Variants in ADGRG2 observed in about 807,000 individuals in gnomAD.
ADGRG2 encodes G protein-coupled receptor 64.
ADGRG2 carries 26 observed loss-of-function variants against 74.1 expected under a neutral mutation model. That is an observed-to-expected ratio of 0.35 (90% CI 0.26 to 0.49). The LOEUF is 0.49. ADGRG2 is among the 20% of genes least tolerant of loss of function. ADGRG2 has a pLI of 0.99. For synonymous variants in ADGRG2, 296 were observed against 295.2 expected (o/e 1.00, Z -0.03); for missense variants, 619 against 763.1 (o/e 0.81, Z 2.22).
At chrX:19,049,897 G>T (rs1451598892) in intron 3 of ADGRG2, among the ~76,000 whole-genome samples, 2 of 111,824 alleles carry the variant, frequency 1.8e-5, no homozygotes, top group East Asian at 5.6e-4. Context: ...AGCAAGAGTC[G>T]CTTGTGGGAG....
chrX:19,112,021 T>C (rs1176051490), intron 1 of ADGRG2, among the ~76,000 whole-genome samples: 2 of 110,366 alleles, frequency 1.8e-5, no homozygotes, highest in Non-Finnish European at 3.8e-5. Flanking sequence ...TATTAAAGAA[T>C]AGATCATACA....
At chrX:19,038,277 A>G (rs1394046096) in intron 4 of ADGRG2, among the ~76,000 whole-genome samples, 1 of 112,167 alleles carries the variant, frequency 8.9e-6, no homozygotes, top group Non-Finnish European at 1.9e-5. Flanking sequence ...CTACCTAAAC[A>G]TGGGAAAAGC....
At chrX:19,009,601 T>A in intron 18 of ADGRG2, 25 bp downstream of exon 18, 1 of 1,185,300 alleles carries the variant, frequency 8.4e-7, no homozygotes, top group Non-Finnish European at 1.1e-6. Flanking sequence ...GAGAATGTTT[T>A]TTTCTGCCAT....
chrX:19,049,867 G>A (rs1186644462), intron 3 of ADGRG2, among the ~76,000 whole-genome samples: 1 of 111,773 alleles, frequency 8.9e-6, no homozygotes, highest in Non-Finnish European at 1.9e-5. Context: ...TCTCATCAAA[G>A]CATCTGTCAT....
intron 13 of ADGRG2, among the ~76,000 whole-genome samples, chrX:19,022,029 C>T (rs942644242): frequency 3.6e-5 from 4 of 109,812 alleles, no homozygotes; most frequent in Non-Finnish European, 3.8e-5. Flanking sequence ...TTTGGAAGGC[C>T]GAGGCAGGTG....
chrX:19,033,015 A>AGGAGTTTG, intron 8 of ADGRG2: 1 of 112,205 alleles, frequency 8.9e-6, no homozygotes. Context: ...ACTTGAGCCC[A>AGGAGTTTG]GGAGTTTGAG....
At chrX:19,009,134 GGT>G (rs774540589) in intron 18 of ADGRG2, among the ~76,000 whole-genome samples, 8 of 110,468 alleles carry the variant, frequency 7.2e-5, no homozygotes, top group Admixed American at 1.9e-4. Flanking sequence ...GTTAACGCAA[GGT>G]GTAAGGGGGA....
rs758337420 is a variant in ADGRG2, at chrX:19,013,769, G to T, written c.1016C>A (p.Pro339His). ...AGAGGAAAATGAGGCTTTCACAGGA[G>T]GTGGGGTGCCGGAGACATGGGTTTG... Reference protein sequence around the residue: ...MPQTHVSGTPPPVKASFSSPT... With the variant: ...MPQTHVSGTPHPVKASFSSPT... The change falls in exon 16 of 29, where the codon CCT (proline) becomes CAT (histidine). Residue 339 changes from proline to histidine, a missense_variant. Coordinates refer to ENST00000379869, the MANE Select transcript of ADGRG2 (RefSeq NM_001079858.3). 1 of 1,199,726 alleles carries T rather than the reference G, an allele frequency of 8.3e-7. No individual in the cohort carries two copies. The highest frequency in any genetic ancestry group is 1.8e-5 in the South Asian group (1 of 54,221).
At chrX:19,017,866 T>TA (rs763931254) in intron 15 of ADGRG2, among the ~76,000 whole-genome samples, 1,134 of 99,409 alleles carry the variant, frequency 0.011, 11 homozygotes, top group African/African-American at 0.034. Flanking sequence ...AAAGAAAAAG[T>TA]AAAAAAAAAA....
At chrX:19,091,656 T>C (rs1398375668) in intron 1 of ADGRG2, among the ~76,000 whole-genome samples, 1 of 112,198 alleles carries the variant, frequency 8.9e-6, no homozygotes, top group Non-Finnish European at 1.9e-5. Flanking sequence ...GGTAAGATAG[T>C]AAATATTTCC....
intron 1 of ADGRG2, among the ~76,000 whole-genome samples, chrX:19,087,878 T>G (rs1409958815): frequency 9.0e-6 from 1 of 111,379 alleles, no homozygotes; most frequent in Non-Finnish European, 1.9e-5. Context: ...CCCTACAGTG[T>G]CCCCGTTTTC....
chrX:19,073,713 T>C (rs1208144361), intron 2 of ADGRG2, among the ~76,000 whole-genome samples: 1 of 111,885 alleles, frequency 8.9e-6, no homozygotes, highest in East Asian at 2.8e-4. Flanking sequence ...GATACCACCA[T>C]AGGGCAGGTC....
At chrX:18,999,325 A>C in intron 25 of ADGRG2, 46 bp from the exon 26 acceptor site, 1 of 1,021,172 alleles carries the variant, frequency 9.8e-7, no homozygotes, top group Non-Finnish European at 1.3e-6. Context: ...ATATTATAGT[A>C]ATGAACTAGA....
chrX:19,047,014 A>T (rs754324993), intron 3 of ADGRG2, among the ~76,000 whole-genome samples: 5 of 112,185 alleles, frequency 4.5e-5, no homozygotes, highest in African/African-American at 1.6e-4. Context: ...AATGGATCTG[A>T]AAGTAACAAG....
intron 1 of ADGRG2, among the ~76,000 whole-genome samples, chrX:19,103,985 T>A (rs1412327176): frequency 9.0e-6 from 1 of 111,465 alleles, no homozygotes; most frequent in African/African-American, 3.3e-5. Flanking sequence ...TCCCCTAAAA[T>A]GCACTAAGAG....
chrX:19,118,502 C>T (rs2062562425), intron 1 of ADGRG2, among the ~76,000 whole-genome samples: 1 of 112,346 alleles, frequency 8.9e-6, no homozygotes, highest in East Asian at 2.8e-4. Context: ...CCGTCTGCCT[C>T]AGCCTCCTGA....
intron 3 of ADGRG2, among the ~76,000 whole-genome samples, chrX:19,049,455 T>TTTTTTTTTTTTTTTTTTTTG (rs1328733136): frequency 9.9e-5 from 9 of 90,973 alleles, no homozygotes; most frequent in African/African-American, 2.9e-4. Flanking sequence ...TTTTTTTTTT[T>TTTTTTTTTTTTTTTTTTTTG]TTGTTGTTGT....
At chrX:19,044,725 A>T (rs1210229507) in intron 3 of ADGRG2, among the ~76,000 whole-genome samples, 1 of 109,685 alleles carries the variant, frequency 9.1e-6, no homozygotes, top group Non-Finnish European at 1.9e-5. Context: ...CCCATCCCCA[A>T]CTCCCACCTC....
chrX:19,010,777 G>T lies in ADGRG2; in HGVS notation c.1101C>A (p.Asp367Glu), dbSNP rs1245760557. Reference sequence around the variant, plus strand: ...CAGAAATACTGCTGGTGTTGACGATGTCTATATCAAAGAGCCAAATCGTGT... The same window carrying T: ...CAGAAATACTGCTGGTGTTGACGATTTCTATATCAAAGAGCCAAATCGTGT... ...NTTSAPPVQT[D>E]IVNTSSISDL... The change falls in exon 17 of 29, where the codon GAC (aspartate) becomes GAA (glutamate). Residue 367 changes from aspartate (D) to glutamate (E), a missense_variant and splice_region_variant. Asp to Glu is a conservative substitution (Grantham distance 45). Coordinates refer to ENST00000379869, the MANE Select transcript of ADGRG2 (RefSeq NM_001079858.3). The T allele has an allele frequency of 1.3e-5, 16 of 1,186,586 alleles. No individual in the cohort carries two copies. In the South Asian group the frequency reaches 2.0e-4, roughly 15 times the overall value.
Sources: allele counts gnomAD v4.1 joint callset (sites outside exome capture counted in the v4.1 genomes callset), GRCh38; gene constraint gnomAD v4.1.1; transcripts MANE v1.5; gene names NCBI Gene and HGNC (gene_info 2026-07-23, HGNC 2026-07-21).